The following CDH23 variants were observed in gnomAD, a reference collection of about 807,000 sequenced individuals.
CDH23 encodes the protein cadherin-23.
CDH23 carries 189 observed loss-of-function variants against 317.1 expected under a neutral mutation model. The ratio of observed to expected loss-of-function variants is 0.60; its 90% CI spans 0.53 to 0.67. CDH23 has a LOEUF of 0.67. Among genes scored for constraint, CDH23 ranks in the 30% least tolerant of loss-of-function variants. The pLI is 0.00. For synonymous variants in CDH23, 1,839 were observed against 1,876.8 expected, an observed-to-expected ratio of 0.98 and a Z score of 0.52; for missense variants, 4,401 against 4,592.4, an observed-to-expected ratio of 0.96 and a Z score of 1.20.
chr10:71,403,773 C>T (rs887253899), intron 1 of CDH23, among the ~76,000 whole-genome samples: 2 of 151,928 alleles, frequency 1.3e-5, no homozygotes, highest in Non-Finnish European at 2.9e-5. Context: ...CCTCGGCCTC[C>T]CAAAGTGCTG....
At position 71,472,248 on chromosome 10, in the gene CDH23, G is replaced by A. The variant is rs558479603; in HGVS notation, c.145+25853G>A. Among the ~76,000 whole-genome samples, 97 of 152,304 alleles carry A rather than the reference G, an allele frequency of 6.4e-4. 1 individual carries two copies. The highest frequency in any genetic ancestry group is 2.2e-3 in the African/African-American group (90 of 41,574). ...TGGTGGGAGGAAGGGAGGAGCCAGG[G>A]TGTTTCTTTCCTTCTCTCCTCGGGT... On this transcript the variant is annotated intron_variant, in intron 3 of 69. Coordinates refer to ENST00000224721, the MANE Select transcript of CDH23 (RefSeq NM_022124.6).
chr10:71,694,087 C>T, intron 20 of CDH23, 60 bp from the exon 21 acceptor site: 1 of 1,218,730 alleles, frequency 8.2e-7, no homozygotes, highest in Non-Finnish European at 1.2e-6. Flanking sequence ...CTCTCTTCTT[C>T]CCTCCCTCTC....
intron 6 of CDH23, among the ~76,000 whole-genome samples, chr10:71,536,746 G>T (rs1855725018): frequency 6.6e-6 from 1 of 152,098 alleles, no homozygotes. Context: ...ATGTGATGGG[G>T]AAAGGTCTTC....
At chr10:71,663,493 G>A (rs889771380) in intron 14 of CDH23, among the ~76,000 whole-genome samples, 1 of 151,966 alleles carries the variant, frequency 6.6e-6, no homozygotes, top group Non-Finnish European at 1.5e-5. Flanking sequence ...GACTCCTCTC[G>A]GCCCTTGCCT....
At chr10:71,712,111 T>C (rs1458310340) in intron 27 of CDH23, 3 of 153,956 alleles carry the variant, frequency 1.9e-5, no homozygotes, top group African/African-American at 7.2e-5. Flanking sequence ...CGGTGGCTTG[T>C]GGCAGCATAA....
intron 14 of CDH23, among the ~76,000 whole-genome samples, chr10:71,650,850 C>G (rs1165111861): frequency 6.6e-6 from 1 of 152,238 alleles, no homozygotes; most frequent in Non-Finnish European, 1.5e-5. Flanking sequence ...CTTGGGGCAG[C>G]CCTGCAGCCT....
In CDH23 at chr10:71,468,854, C is replaced by T. The variant is rs950753415; in HGVS notation, c.145+22459C>T. The stretch of plus-strand genomic sequence containing the variant: ...TGAGGCAGGTGCCTTACTCCACGCA[C>T]GCCTCTGTTCCTCACCTGCTCCAGG... On this transcript the variant is annotated intron_variant, in intron 3 of 69. Coordinates refer to ENST00000224721, the MANE Select transcript of CDH23 (RefSeq NM_022124.6). 5.3e-5 allele frequency among the ~76,000 whole-genome samples: 8 copies of T among 152,326 alleles called. No individual in the cohort carries two copies. In the South Asian group the frequency reaches 6.2e-4, roughly 12 times the overall value.
At chr10:71,523,135 A>G (rs1017606026) in intron 6 of CDH23, among the ~76,000 whole-genome samples, 2 of 152,116 alleles carry the variant, frequency 1.3e-5, no homozygotes, top group African/African-American at 4.8e-5. Context: ...GTGTTTGGTT[A>G]GGGGAGGGAT....
chr10:71,752,747 G>C (rs960817697), intron 38 of CDH23, among the ~76,000 whole-genome samples: 2 of 152,154 alleles, frequency 1.3e-5, no homozygotes, highest in Non-Finnish European at 2.9e-5. Context: ...ACTGAGACCC[G>C]AAGGTGGGTG....
At position 71,732,045 on chromosome 10, in the gene CDH23, T is replaced by A. The variant is rs2132824576; in HGVS notation, c.3774T>A (p.Ile1258=). The A allele has an allele frequency of 6.2e-7, 1 of 1,613,964 alleles. No individual in the cohort carries two copies. Among genetic ancestry groups the A allele is most frequent in the Non-Finnish European group, 8.5e-7 (1 of 1,179,890 alleles). The change falls in exon 32 of 70, where the codon ATT becomes ATA. Residue 1258 remains isoleucine (I), a synonymous_variant. Coordinates refer to ENST00000224721, the MANE Select transcript of CDH23 (RefSeq NM_022124.6). The part of the protein sequence containing the change: ...ILSGAEGKFE[I]DESTGLIITV... ...CGGGCGCAGAGGGGAAGTTTGAGAT[T>A]GACGAGAGCACAGGGCTTATCATCA...
chr10:71,397,956 T>G lies in CDH23; in HGVS notation c.-6+638T>G, dbSNP rs1015283920. Among the ~76,000 whole-genome samples, 2 of 152,220 alleles carry G rather than the reference T, an allele frequency of 1.3e-5. No individual in the cohort carries two copies. The highest frequency in any genetic ancestry group is 2.9e-5 in the Non-Finnish European group (2 of 68,026). On this transcript the variant is annotated intron_variant, in intron 1 of 69. Transcript: ENST00000224721. This position sits in a 1 kb window ranked among gnomAD's most constrained non-coding sequence, Gnocchi z 4.8. ...AGCCTTTTGCGGCTCTCGCTTCGCCTTCCTGGCCCTGGAACTGGTCCGCTA... is the reference window on the plus strand; with the variant it reads ...AGCCTTTTGCGGCTCTCGCTTCGCCGTCCTGGCCCTGGAACTGGTCCGCTA...
Position 71,499,040 on chromosome 10 carries a change from T to G in CDH23, c.146-11042T>G, listed in dbSNP as rs552283039. The stretch of plus-strand genomic sequence containing the variant: ...TCAATGATAAATGGATAAAGAAATG[T>G]GGTATATATACACAATGGAATACTA... On this transcript the variant is annotated intron_variant, in intron 3 of 69. Coordinates refer to ENST00000224721, the MANE Select transcript of CDH23 (RefSeq NM_022124.6). 7.0e-4 allele frequency among the ~76,000 whole-genome samples: 107 copies of G among 152,342 alleles called. 1 individual carries two copies. Among genetic ancestry groups the G allele is most frequent in the African/African-American group, 2.5e-3 (103 of 41,572 alleles).
intron 20 of CDH23, among the ~76,000 whole-genome samples, chr10:71,692,466 A>T (rs1374480044): frequency 6.6e-6 from 1 of 152,242 alleles, no homozygotes; most frequent in East Asian, 1.9e-4. Context: ...TTTCCTAGAC[A>T]GGAGAGGCCA....
intron 9 of CDH23, among the ~76,000 whole-genome samples, chr10:71,588,898 G>C (rs1859269267): frequency 6.6e-6 from 1 of 152,170 alleles, no homozygotes; most frequent in Non-Finnish European, 1.5e-5. Flanking sequence ...CATGACCCTG[G>C]AGCCAGATGG....
In CDH23 at chr10:71,741,765, G is replaced by A; in HGVS notation, c.4689G>A (p.Leu1563=). 3 of 1,612,764 alleles carry A rather than the reference G, an allele frequency of 1.9e-6. No homozygotes were observed. The highest frequency in any genetic ancestry group is 2.5e-6 in the Non-Finnish European group (3 of 1,179,400). Residue 1563 remains leucine (L), a synonymous_variant, in exon 38 of 70, where the codon CTG becomes CTA. Transcript: ENST00000224721. ...TDRDIGINSV[L]SYYITEGNKD... ...GTGACATCGGGATCAACAGTGTTCT[G>A]TCCTACTACATCACCGAGGGCAACA...
At chr10:71,792,848 A>C (rs57087787) in intron 47 of CDH23, among the ~76,000 whole-genome samples, 1 of 54,244 alleles carries the variant, frequency 1.8e-5, no homozygotes, top group African/African-American at 6.5e-5. Context: ...AAAAAAAAAA[A>C]AAAAATATAT....
intron 3 of CDH23, among the ~76,000 whole-genome samples, chr10:71,446,786 T>A (rs976378531): frequency 6.6e-6 from 1 of 152,224 alleles, no homozygotes; most frequent in African/African-American, 2.4e-5. Context: ...AGAAAAAACA[T>A]GAACTATTTA....
At chr10:71,595,948 G>T (rs1446456373) in intron 9 of CDH23, among the ~76,000 whole-genome samples, 3 of 152,180 alleles carry the variant, frequency 2.0e-5, no homozygotes, top group African/African-American at 7.2e-5. Flanking sequence ...TACCTCTCCA[G>T]GGAAACTGAA....
At chr10:71,563,996 C>T (rs1163525611) in intron 6 of CDH23, among the ~76,000 whole-genome samples, 1 of 152,156 alleles carries the variant, frequency 6.6e-6, no homozygotes, top group African/African-American at 2.4e-5. Flanking sequence ...CTGCTAACAG[C>T]TCCATTTTAC....
Sources: allele counts gnomAD v4.1 joint callset (sites outside exome capture counted in the v4.1 genomes callset), GRCh38; gene constraint gnomAD v4.1.1; non-coding constraint Gnocchi (gnomAD v3.1); transcripts MANE v1.5; gene names NCBI Gene and HGNC (gene_info 2026-07-23, HGNC 2026-07-21).